Variants in TMEM63A observed in about 807,000 individuals in gnomAD.
The protein encoded by TMEM63A is mechanosensitive cation channel TMEM63A.
Under a neutral mutation model 100.6 loss-of-function variants are expected in TMEM63A, and 76 were observed. The ratio of observed to expected loss-of-function variants is 0.76; its 90% confidence interval spans 0.63 to 0.91. TMEM63A has a LOEUF of 0.91. TMEM63A is among the 40% of genes least tolerant of loss of function. TMEM63A has a pLI of 0.00. For missense variants in TMEM63A, 876 were observed against 1,008.8 expected (o/e 0.87, Z 1.78); for synonymous variants, 401 against 401.1 (o/e 1.00, Z 0.00).
chr1:225,877,673 C>A, intron 2 of TMEM63A, 79 bp from the exon 3 acceptor site: 3 of 1,403,472 alleles, frequency 2.1e-6, no homozygotes, highest in Non-Finnish European at 2.9e-6. Context: ...CTGGCAGAGC[C>A]AAAGGCAGGC....
intron 2 of TMEM63A, among the ~76,000 whole-genome samples, chr1:225,878,747 C>G (rs898257782): frequency 2.0e-5 from 3 of 152,066 alleles, no homozygotes; most frequent in East Asian, 1.9e-4. Flanking sequence ...ATCTTGAGAA[C>G]AAGAAGAAAA....
At position 225,856,750 on chromosome 1, in the gene TMEM63A, C is replaced by CAAA. The variant is rs1358408209; in HGVS notation, c.1485-15_1485-13dup. 6.2e-7 allele frequency: 1 copy of CAAA among 1,611,760 alleles called. No individual in the cohort carries two copies. The highest frequency in any genetic ancestry group is 1.3e-5 in the African/African-American group (1 of 74,804). On this transcript the variant is annotated splice_polypyrimidine_tract_variant and intron_variant, in intron 16 of 24. Transcript: ENST00000366835. ...GGTTTTCCCCCGACCTGCAGGAAGT[C>CAAA]AAAGGTGAGCACTCGCAGTCCCCCA...
downstream of TMEM63A, among the ~76,000 whole-genome samples, chr1:225,841,624 CAG>C (rs1481901821): frequency 4.3e-5 from 5 of 115,648 alleles, no homozygotes; most frequent in East Asian, 2.7e-4. Context: ...TTTTTTGAGA[CAG>C]AGTCTTGCTC....
intron 10 of TMEM63A, chr1:225,863,239 G>T (rs944958219): frequency 8.4e-6 from 2 of 237,100 alleles, no homozygotes; most frequent in Non-Finnish European, 1.7e-5. Context: ...TAGAGACGGG[G>T]TCTCGCTATG....
rs142455033 is a variant in TMEM63A at position 225,857,492 on chromosome 1, G to A, written c.1378-475C>T. On this transcript the variant is annotated intron_variant, in intron 15 of 24. Coordinates refer to ENST00000366835, the MANE Select transcript of TMEM63A (RefSeq NM_014698.3). ...CTGCTGTTTGTTACTGGGATTACATGAGCTGATTGACTTATTACTGTCACT... is the reference window on the plus strand; with the variant it reads ...CTGCTGTTTGTTACTGGGATTACATAAGCTGATTGACTTATTACTGTCACT... Among the ~76,000 whole-genome samples, 82 of 151,424 alleles carry A rather than the reference G, an allele frequency of 5.4e-4. 2 individuals carry two copies. The highest frequency in any genetic ancestry group is 1.9e-3 in the African/African-American group (77 of 41,080).
intron 14 of TMEM63A, 137 bp downstream of exon 14, chr1:225,860,723 C>T: frequency 1.7e-6 from 2 of 1,148,824 alleles, no homozygotes; most frequent in Non-Finnish European, 2.4e-6. Flanking sequence ...GAGCACATCA[C>T]AGCATCACAG....
chr1:225,856,054 G>A (rs1216101549), intron 17 of TMEM63A, 114 bp from the exon 18 acceptor site: 13 of 1,087,918 alleles, frequency 1.2e-5, no homozygotes, highest in Non-Finnish European at 1.7e-5. Context: ...ATTGACTTTT[G>A]TTCTCAACGA....
In TMEM63A at chr1:225,849,112, C is replaced by T. The variant is rs545791385; in HGVS notation, c.2072-100G>A. On this transcript the variant is annotated intron_variant, in intron 21 of 24. Transcript: ENST00000366835. ...GGCCGCACCTGGTGTGGAAACTGCC[C>T]GTGACTTCTCCCTCAGGCAGAAAAT... The T allele has an allele frequency of 1.7e-5, 15 of 878,264 alleles. No individual in the cohort carries two copies. The African/African-American group carries it at 2.3e-4, about 14-fold the overall frequency. The allele number at this position is 878,264 out of a possible 1,614,324, so 54.4% of individuals were successfully genotyped here.
intron 3 of TMEM63A, among the ~76,000 whole-genome samples, 185 bp downstream of exon 3, chr1:225,877,210 C>T (rs964818490): frequency 2.6e-5 from 4 of 152,130 alleles, no homozygotes; most frequent in African/African-American, 9.7e-5. Context: ...TCTCCATTTC[C>T]GGAGCAGAAA....
rs1669041780 is a variant in TMEM63A at position 225,847,083 on chromosome 1, T to G, written c.2381A>C (p.Gln794Pro). 6.2e-7 allele frequency: 1 copy of G among 1,613,488 alleles called. No individual in the cohort carries two copies. Among genetic ancestry groups the G allele is most frequent in the Non-Finnish European group, 8.5e-7 (1 of 1,179,910 alleles). The stretch of plus-strand genomic sequence containing the variant: ...AGCAGCCACACTGCCCGTGGCGCTC[T>G]GCGCCAAGCACTGTCCAGGGATAGT... ...SGTIPGQCLA[Q>P]SATGSVAAAP... Residue 794 changes from glutamine (Q) to proline (P), a missense_variant, in exon 24 of 25, where the codon CAG (glutamine) becomes CCG (proline). Gln to Pro is a moderately conservative substitution (Grantham distance 76). This residue lies in a region of TMEM63A where 339 missense variants were observed against 342.3 expected (regional missense o/e 0.99). Coordinates refer to ENST00000366835, the MANE Select transcript of TMEM63A (RefSeq NM_014698.3).
At chr1:225,845,382 A>T (rs4653695), downstream of TMEM63A, 9 of 1,353,042 alleles carry the variant, frequency 6.7e-6, no homozygotes, top group Non-Finnish European at 4.8e-6. Context: ...ACCTCCCCCC[A>T]CAAGTGCCCT....
At chr1:225,845,361 C>T, downstream of TMEM63A, 2 of 1,569,966 alleles carry the variant, frequency 1.3e-6, no homozygotes, top group Non-Finnish European at 1.7e-6. Context: ...ACCCCTCTCC[C>T]CCCGCCTGCC....
downstream of TMEM63A, chr1:225,840,895 T>G (rs1668343121): frequency 1.3e-5 from 2 of 152,250 alleles, no homozygotes; most frequent in Admixed American, 1.3e-4. Flanking sequence ...ATCATAATAA[T>G]GGCACTTTAT....
chr1:225,843,127 C>T (rs371436632), downstream of TMEM63A, among the ~76,000 whole-genome samples: 1 of 152,166 alleles, frequency 6.6e-6, no homozygotes, highest in African/African-American at 2.4e-5. Flanking sequence ...TCACCTAGAA[C>T]AATGCCGGGT....
At chr1:225,879,038 G>T (rs1670964183) in intron 2 of TMEM63A, among the ~76,000 whole-genome samples, 182 bp downstream of exon 2, 1 of 152,150 alleles carries the variant, frequency 6.6e-6, no homozygotes, top group African/African-American at 2.4e-5. Flanking sequence ...AGGTAGTGGG[G>T]GTTGTGATGC....
chr1:225,868,747 T>C (rs1670344834), intron 6 of TMEM63A, among the ~76,000 whole-genome samples: 1 of 150,598 alleles, frequency 6.6e-6, no homozygotes, highest in Admixed American at 6.6e-5. Context: ...GGCCCCCACC[T>C]GTTTCCTGTC....
chr1:225,879,656 C>A (rs1394967684), intron 1 of TMEM63A, among the ~76,000 whole-genome samples: 2 of 152,206 alleles, frequency 1.3e-5, no homozygotes, highest in South Asian at 2.1e-4. Context: ...GTGGCCCCAG[C>A]CTCTCTCCTC....
intron 6 of TMEM63A, among the ~76,000 whole-genome samples, 200 bp from the exon 7 acceptor site, chr1:225,868,230 C>T (rs150310907): frequency 1.2e-4 from 19 of 152,226 alleles, no homozygotes; most frequent in East Asian, 9.6e-4. Flanking sequence ...TTCCAGAGCC[C>T]GTCTTAGCCC....
Position 225,856,637 on chromosome 1 carries a change from G to A in TMEM63A, c.1571+15C>T. The A allele has an allele frequency of 6.2e-7, 1 of 1,612,666 alleles. No homozygotes were observed. The highest frequency in any genetic ancestry group is 1.1e-5 in the South Asian group (1 of 90,976). On this transcript the variant is annotated intron_variant, in intron 17 of 24. Transcript: ENST00000366835. ...CTCTTATTCTGAATTTAGAGCAGAA[G>A]GTGGTGGCATATACCTGGTGAGACC... is the stretch of plus-strand genomic sequence containing the variant.
Sources: allele counts gnomAD v4.1 joint callset (sites outside exome capture counted in the v4.1 genomes callset), GRCh38; gene constraint gnomAD v4.1.1; regional missense constraint gnomAD v4.1.1; transcripts MANE v1.5; gene names NCBI Gene and HGNC (gene_info 2026-07-23, HGNC 2026-07-21).